Variants in UBLCP1 observed in about 807,000 individuals in gnomAD.
The protein encoded by UBLCP1 is ubiquitin-like domain-containing CTD phosphatase 1.
Under a neutral mutation model 42.4 loss-of-function variants are expected in UBLCP1, and 28 were observed. The observed-to-expected ratio is 0.66, with a 90% CI of 0.49 to 0.90. The LOEUF is 0.90. UBLCP1 is among the 40% of genes least tolerant of loss of function. The pLI, the probability that UBLCP1 is intolerant of heterozygous loss-of-function variation, is 0.00. For synonymous variants in UBLCP1, 122 were observed against 120.8 expected (o/e 1.01, Z -0.07); for missense variants, 279 against 374.5 (o/e 0.75, Z 2.10).
At chr5:159,279,568 T>C (rs945776835) in intron 9 of UBLCP1, among the ~76,000 whole-genome samples, 1 of 152,218 alleles carries the variant, frequency 6.6e-6, no homozygotes, top group Non-Finnish European at 1.5e-5. Flanking sequence ...AAGTACATTT[T>C]TTAAACCTTT....
intron 10 of UBLCP1, 36 bp from the exon 11 acceptor site, chr5:159,284,868 G>T: frequency 6.2e-7 from 1 of 1,610,760 alleles, no homozygotes. Flanking sequence ...AATTTAGCAT[G>T]ATACAGCTTT....
chr5:159,275,982 A>G (rs1363641290), intron 8 of UBLCP1, among the ~76,000 whole-genome samples: 1 of 152,236 alleles, frequency 6.6e-6, no homozygotes, highest in Non-Finnish European at 1.5e-5. Flanking sequence ...CAACAAGAAC[A>G]ATCAGAGAAA....
chr5:159,275,162 C>T lies in UBLCP1; in HGVS notation c.600C>T (p.Ser200=). Residue 200 remains serine, a synonymous_variant, in exon 8 of 11, where the codon AGC becomes AGT. Transcript: ENST00000296786. ...TGTGTTTATAGGAGCTGGGAGTGAGCACAAATGCAAATTATAAGATTACTT... is the reference window on the plus strand; with the variant it reads ...TGTGTTTATAGGAGCTGGGAGTGAGTACAAATGCAAATTATAAGATTACTT... The part of the protein sequence containing the change: ...IEAKMKELGV[S]TNANYKITFM... The T allele has an allele frequency of 6.2e-7, 1 of 1,612,960 alleles. No homozygotes were observed. The highest frequency in any genetic ancestry group is 1.3e-5 in the African/African-American group (1 of 74,990).
chr5:159,270,673 C>T (rs1584738314), intron 5 of UBLCP1, 30 bp downstream of exon 5: 2 of 1,358,426 alleles, frequency 1.5e-6, no homozygotes, highest in South Asian at 1.4e-5. Flanking sequence ...TTTTCATTTT[C>T]TGTTACCCAC....
intron 1 of UBLCP1, among the ~76,000 whole-genome samples, chr5:159,268,347 A>C (rs1302742875): frequency 1.3e-5 from 2 of 152,228 alleles, no homozygotes; most frequent in Non-Finnish European, 2.9e-5. Flanking sequence ...GTTAATCCTC[A>C]TAAAAGCCCT....
chr5:159,280,726 T>C (rs1019451717), intron 9 of UBLCP1, among the ~76,000 whole-genome samples: 2 of 152,160 alleles, frequency 1.3e-5, no homozygotes, highest in Non-Finnish European at 2.9e-5. Flanking sequence ...TGCTCATTTT[T>C]AAAATAGTTA....
intron 6 of UBLCP1, among the ~76,000 whole-genome samples, chr5:159,273,929 G>C (rs1753502704): frequency 6.6e-6 from 1 of 151,428 alleles, no homozygotes; most frequent in East Asian, 1.9e-4. Context: ...TACCTGTATA[G>C]TTTAGTCCAG....
chr5:159,264,384 G>C (rs1753348318), intron 1 of UBLCP1, among the ~76,000 whole-genome samples: 1 of 152,190 alleles, frequency 6.6e-6, no homozygotes, highest in South Asian at 2.1e-4. Context: ...AAGCAAAATA[G>C]CTCATGCATT....
chr5:159,278,514 T>C (rs1753565361), intron 9 of UBLCP1, among the ~76,000 whole-genome samples, 160 bp downstream of exon 9: 1 of 152,206 alleles, frequency 6.6e-6, no homozygotes. Context: ...AATTGAACTT[T>C]GTCTTTTTTG....
chr5:159,269,143 T>C (rs915571785), intron 2 of UBLCP1, 74 bp downstream of exon 2: 34 of 1,123,024 alleles, frequency 3.0e-5, no homozygotes, highest in Non-Finnish European at 3.9e-5. Flanking sequence ...ATTTTGAATA[T>C]AATTGTTTAA....
chr5:159,282,238 G>A (rs1753618157), intron 9 of UBLCP1, among the ~76,000 whole-genome samples: 1 of 151,996 alleles, frequency 6.6e-6, no homozygotes, highest in South Asian at 2.1e-4. Flanking sequence ...TATTTGAGCA[G>A]GTGTCTTTTA....
Position 159,263,557 on chromosome 5 carries a change from G to T in UBLCP1, c.-47+197G>T, listed in dbSNP as rs576996969. 5.9e-5 allele frequency among the ~76,000 whole-genome samples: 9 copies of T among 152,348 alleles called. No homozygotes were observed. The East Asian group carries it at 1.7e-3, about 29-fold the overall frequency. ...CGCTGTCCTCCCATCCAGCAGTCTA[G>T]CCTATTTGGAGGGCTTTCTGTTTCC... On this transcript the variant is annotated intron_variant, in intron 1 of 10. Transcript: ENST00000296786.
At chr5:159,276,554 AAAATT>A (rs1400157006) in intron 8 of UBLCP1, among the ~76,000 whole-genome samples, 1 of 152,228 alleles carries the variant, frequency 6.6e-6, no homozygotes, top group African/African-American at 2.4e-5. Context: ...ATAACAGTGA[AAAATT>A]AAAGGAATAA....
At chr5:159,284,096 C>A (rs1753641975) in intron 10 of UBLCP1, among the ~76,000 whole-genome samples, 1 of 152,106 alleles carries the variant, frequency 6.6e-6, no homozygotes, top group African/African-American at 2.4e-5. Flanking sequence ...TTTGACTTTT[C>A]AGATCAGTTT....
chr5:159,280,378 T>C (rs1029497156), intron 9 of UBLCP1, among the ~76,000 whole-genome samples: 4 of 152,156 alleles, frequency 2.6e-5, no homozygotes, highest in Admixed American at 1.3e-4. Flanking sequence ...TCAGAGCTCA[T>C]TGCAGCCTCG....
Position 159,270,396 on chromosome 5 carries a change from G to A in UBLCP1, c.283G>A (p.Val95Ile). The change falls in exon 4 of 11, where the codon GTT (valine) becomes ATT (isoleucine). Residue 95 changes from valine to isoleucine, a missense_variant. Transcript: ENST00000296786. ...VLGPPPDNDDVVNDFDIEDEV... is the reference protein window; with the variant it reads ...VLGPPPDNDDIVNDFDIEDEV... ...AGGTCCACCCCCTGACAATGATGAT[G>A]TTGTTAATGACTTTGATATTGAAGA... 2 of 1,613,504 alleles carry A rather than the reference G, an allele frequency of 1.2e-6. No homozygotes were observed. Among genetic ancestry groups the A allele is most frequent in the Non-Finnish European group, 1.7e-6 (2 of 1,179,698 alleles).
rs1167093335 is a variant in UBLCP1 at position 159,268,797 on chromosome 5, A to G, written c.-46-73A>G. 4.5e-6 allele frequency: 5 copies of G among 1,119,016 alleles called. No individual in the cohort carries two copies. The African/African-American group carries it at 6.5e-5, about 15-fold the overall frequency. The allele number at this position is 1,119,016 out of a possible 1,614,324, so 69.3% of individuals were successfully genotyped here. On this transcript the variant is annotated intron_variant, in intron 1 of 10. Coordinates refer to ENST00000296786, the MANE Select transcript of UBLCP1 (RefSeq NM_145049.5). ...TTGTAAAATAAGGCTTAAACTGTAC[A>G]CATAAAACTTAAAAGTTTGGCTTCA...
At chr5:159,275,373 G>T in intron 8 of UBLCP1, 127 bp downstream of exon 8, 19 of 439,972 alleles carry the variant, frequency 4.3e-5, no homozygotes, top group Admixed American at 8.4e-5. Flanking sequence ...GTTGAGTTTT[G>T]ACATAGGAAA....
rs181193398 is a variant in UBLCP1 at position 159,285,122 on chromosome 5, C to T, written c.*191C>T. On this transcript the variant is annotated 3_prime_UTR_variant, in exon 11 of 11. Transcript: ENST00000296786. ...TAGCAATATGCTAAAAAATGCTTGT[C>T]CCCTATATGAATATTCTGTTACGCT... 6.4e-3 allele frequency: 3,623 copies of T among 563,008 alleles called. 28 individuals are homozygous for T. Among genetic ancestry groups the T allele is most frequent in the Middle Eastern group, 0.04 (83 of 2,062 alleles). The allele number at this position is 563,008 out of a possible 1,614,324, so 34.9% of individuals were successfully genotyped here.
Sources: allele counts gnomAD v4.1 joint callset (sites outside exome capture counted in the v4.1 genomes callset), GRCh38; gene constraint gnomAD v4.1.1; transcripts MANE v1.5; gene names NCBI Gene and HGNC (gene_info 2026-07-23, HGNC 2026-07-21).